Variants in SGCD observed in about 807,000 individuals in gnomAD.
SGCD encodes delta-sarcoglycan.
A neutral mutation model predicts 36.6 loss-of-function variants in SGCD; 18 were observed. That is an observed-to-expected ratio of 0.49 (90% CI 0.34 to 0.73). SGCD has a LOEUF of 0.73. SGCD is among the 30% of genes least tolerant of loss of function. SGCD has a pLI of 0.01. For missense variants in SGCD, 387 were observed against 346.7 expected (o/e 1.12, Z -0.92); for synonymous variants, 133 against 130.6 (o/e 1.02, Z -0.12).
chr5:155,737,303 A>G, the SGCD span, among the ~76,000 whole-genome samples: 8 of 152,228 alleles, frequency 5.3e-5, no homozygotes, highest in Non-Finnish European at 8.8e-5. Flanking sequence ...TTCAAAAAAT[A>G]TAACACTTAC....
At chr5:156,189,980 A>T (rs1053227264) in intron 3 of SGCD, among the ~76,000 whole-genome samples, 10 of 152,188 alleles carry the variant, frequency 6.6e-5, no homozygotes, top group Admixed American at 1.3e-4. Flanking sequence ...TTGACAAATT[A>T]GAGCCAGATC....
chr5:156,610,714 T>C (rs1581252414), intron 6 of SGCD, among the ~76,000 whole-genome samples: 1 of 152,350 alleles, frequency 6.6e-6, no homozygotes, highest in East Asian at 1.9e-4. Flanking sequence ...CTGGCCACTT[T>C]GGTTACTTAC....
At chr5:156,543,075 A>T (rs920683434) in intron 4 of SGCD, among the ~76,000 whole-genome samples, 1 of 152,224 alleles carries the variant, frequency 6.6e-6, no homozygotes, top group Non-Finnish European at 1.5e-5. Context: ...TCAAGGCAGA[A>T]GCTGCTTTAT....
the SGCD span, among the ~76,000 whole-genome samples, chr5:155,745,687 T>A: frequency 6.6e-6 from 1 of 151,984 alleles, no homozygotes; most frequent in Non-Finnish European, 1.5e-5. Flanking sequence ...TAAGAAAAGA[T>A]AAACAACCTC....
chr5:156,623,240 C>T (rs1168428610), intron 6 of SGCD, among the ~76,000 whole-genome samples: 4 of 152,010 alleles, frequency 2.6e-5, no homozygotes, highest in East Asian at 3.9e-4. Context: ...TTCAGGCGTT[C>T]GGACTTTTAA....
chr5:156,070,452 G>C (rs1474022321), intron 1 of SGCD, among the ~76,000 whole-genome samples: 2 of 150,564 alleles, frequency 1.3e-5, no homozygotes, highest in African/African-American at 5.0e-5. Flanking sequence ...TGTGTATATT[G>C]AACCAGACTT....
At chr5:156,158,621 C>T (rs1763017522) in intron 3 of SGCD, among the ~76,000 whole-genome samples, 1 of 151,510 alleles carries the variant, frequency 6.6e-6, no homozygotes, top group Non-Finnish European at 1.5e-5. Context: ...CCAGAGAGCC[C>T]ATTAATGCAG....
At chr5:155,744,412 A>G in the SGCD span, among the ~76,000 whole-genome samples, 1 of 152,164 alleles carries the variant, frequency 6.6e-6, no homozygotes, top group Admixed American at 6.6e-5. Flanking sequence ...GTGGGCTGAG[A>G]TCATGCCACT....
chr5:156,611,749 T>C (rs973197850), intron 6 of SGCD, among the ~76,000 whole-genome samples: 3 of 152,236 alleles, frequency 2.0e-5, no homozygotes, highest in African/African-American at 7.2e-5. Context: ...GTCTCATAAA[T>C]CTTGTTGGCT....
the SGCD span, among the ~76,000 whole-genome samples, chr5:155,810,489 A>G: frequency 6.6e-6 from 1 of 151,492 alleles, no homozygotes; most frequent in Non-Finnish European, 1.5e-5. Context: ...GACTACAGTT[A>G]CCATATTTAT....
At chr5:155,791,158 T>C in the SGCD span, among the ~76,000 whole-genome samples, 37 of 152,278 alleles carry the variant, frequency 2.4e-4, no homozygotes, top group African/African-American at 8.9e-4. Context: ...GATGATTCCC[T>C]ACTTTTTTCC....
chr5:156,711,318 A>C (rs1415678212), intron 7 of SGCD, among the ~76,000 whole-genome samples: 1 of 152,218 alleles, frequency 6.6e-6, no homozygotes, highest in Non-Finnish European at 1.5e-5. Flanking sequence ...AACATTTAGT[A>C]AACATTGTGT....
chr5:156,211,335 C>T (rs149780147), intron 3 of SGCD, among the ~76,000 whole-genome samples: 354 of 152,192 alleles, frequency 2.3e-3, no homozygotes, highest in South Asian at 5.6e-3. Context: ...GGGCCAGGCG[C>T]GGTGGCTCAA....
At chr5:156,144,302 G>A (rs1762655865) in intron 3 of SGCD, among the ~76,000 whole-genome samples, 2 of 152,034 alleles carry the variant, frequency 1.3e-5, no homozygotes, top group African/African-American at 4.8e-5. Context: ...AGATCCCTGA[G>A]GAATCGCCAC....
intron 1 of SGCD, among the ~76,000 whole-genome samples, chr5:156,070,915 G>A (rs888957433): frequency 2.6e-5 from 4 of 152,170 alleles, no homozygotes; most frequent in African/African-American, 9.7e-5. Flanking sequence ...TAGTTTATTT[G>A]CATAGAGGTG....
At chr5:155,809,715 A>G in the SGCD span, among the ~76,000 whole-genome samples, 2 of 152,232 alleles carry the variant, frequency 1.3e-5, no homozygotes, top group Non-Finnish European at 1.5e-5. Context: ...GATGAGCATC[A>G]TGTGGAGAAT....
Position 155,891,556 on chromosome 5 carries a change from C to CTTTTTTTTTTTT in SGCD, c.-282+21133_-282+21134insTTTTTTTTTTTT, listed in dbSNP as rs1561640647. 7.3e-4 allele frequency among the ~76,000 whole-genome samples: 12 copies of CTTTTTTTTTTTT among 16,548 alleles called. 1 individual carries two copies. Among genetic ancestry groups the CTTTTTTTTTTTT allele is most frequent in the African/African-American group, 3.3e-3 (12 of 3,684 alleles). The allele number at this position is 16,548 out of a possible 152,430, so 10.9% of individuals were successfully genotyped here. The stretch of plus-strand genomic sequence containing the variant: ...GCCAAATTCCAGAGAAAAATAAATA[C>CTTTTTTTTTTTT]TCTTTTTTTTTTTTTTTTTTTGGTG... On this transcript the variant is annotated intron_variant, in intron 1 of 9. Coordinates refer to the SGCD transcript ENST00000517913.
At chr5:155,806,125 A>G in the SGCD span, among the ~76,000 whole-genome samples, 1 of 152,202 alleles carries the variant, frequency 6.6e-6, no homozygotes, top group Admixed American at 6.5e-5. Context: ...TTTTTAAAAC[A>G]AACACTATTC....
At chr5:156,391,261 A>T (rs1477829459) in intron 3 of SGCD, among the ~76,000 whole-genome samples, 1 of 152,268 alleles carries the variant, frequency 6.6e-6, no homozygotes, top group East Asian at 1.9e-4. Context: ...GCAATAAGCT[A>T]TATCATACAG....
Sources: allele counts gnomAD v4.1 joint callset (sites outside exome capture counted in the v4.1 genomes callset), GRCh38; gene constraint gnomAD v4.1.1; transcripts MANE v1.5; gene names NCBI Gene and HGNC (gene_info 2026-07-23, HGNC 2026-07-21).